The following CNTNAP2 variants were observed in gnomAD, a reference collection of about 807,000 sequenced individuals.
CNTNAP2 encodes the protein contactin-associated protein-like 2.
CNTNAP2 carries 98 observed loss-of-function variants against 155.2 expected under a neutral mutation model. The observed-to-expected ratio is 0.63, with a 90% CI of 0.54 to 0.75. The LOEUF (loss-of-function observed/expected upper bound fraction) is 0.75. Ranked by LOEUF, CNTNAP2 falls within the 30% of genes least tolerant of loss-of-function variation. The pLI is 0.00. For synonymous variants in CNTNAP2, 651 were observed against 631.2 expected, an observed-to-expected ratio of 1.03 and a Z score of -0.47; for missense variants, 1,727 against 1,688.1, an observed-to-expected ratio of 1.02 and a Z score of -0.40.
intron 18 of CNTNAP2, among the ~76,000 whole-genome samples, chr7:148,196,339 T>C (rs898836337): frequency 1.3e-5 from 2 of 152,238 alleles, no homozygotes; most frequent in South Asian, 2.1e-4. Flanking sequence ...ATTAGACTTT[T>C]CTAGTTCCTT....
intron 13 of CNTNAP2, among the ~76,000 whole-genome samples, chr7:147,822,945 A>C (rs1240174458): frequency 6.6e-6 from 1 of 152,180 alleles, no homozygotes; most frequent in African/African-American, 2.4e-5. Context: ...TGGTACAGAA[A>C]ATATCATTTT....
At chr7:147,972,600 G>A (rs2116856741) in intron 14 of CNTNAP2, among the ~76,000 whole-genome samples, 1 of 152,196 alleles carries the variant, frequency 6.6e-6, no homozygotes, top group East Asian at 1.9e-4. Context: ...AAAATCCATA[G>A]AATCAAGCTT....
chr7:146,881,935 CAGTT>C (rs1050412987), intron 3 of CNTNAP2, among the ~76,000 whole-genome samples: 2 of 151,916 alleles, frequency 1.3e-5, no homozygotes, highest in Admixed American at 6.6e-5. Flanking sequence ...TAGTACCCAA[CAGTT>C]AGTTTTTCAA....
intron 13 of CNTNAP2, among the ~76,000 whole-genome samples, chr7:147,674,884 T>C (rs1269869978): frequency 1.3e-5 from 2 of 152,084 alleles, no homozygotes; most frequent in Non-Finnish European, 2.9e-5. Context: ...TCAGCATATC[T>C]TTCTAAAAAT....
At chr7:147,379,852 G>C (rs1004263389) in intron 9 of CNTNAP2, among the ~76,000 whole-genome samples, 4 of 152,002 alleles carry the variant, frequency 2.6e-5, no homozygotes, top group Non-Finnish European at 5.9e-5. Context: ...GCATTGTAAA[G>C]ATTAGTAAAT....
Position 147,811,078 on chromosome 7 carries a change from A to C in CNTNAP2, c.2099-92487A>C, listed in dbSNP as rs560662267. ...TCCAGTTTTCAATAAAATGTGGACT[A>C]TACCTTTGGGGGTTGTGTTCATTTG... is the stretch of plus-strand genomic sequence containing the variant. On this transcript the variant is annotated intron_variant, in intron 13 of 23. Coordinates refer to ENST00000361727, the MANE Select transcript of CNTNAP2 (RefSeq NM_014141.6). Among the ~76,000 whole-genome samples the C allele has an allele frequency of 2.0e-4, 30 of 152,246 alleles. No homozygotes were observed. The East Asian group carries it at 3.7e-3, about 19-fold the overall frequency.
At position 148,018,915 on chromosome 7, in the gene CNTNAP2, C is replaced by G. The variant is rs570765753; in HGVS notation, c.2383+40926C>G. Among the ~76,000 whole-genome samples the G allele has an allele frequency of 5.9e-5, 9 of 152,334 alleles. No homozygotes were observed. The South Asian group carries it at 1.2e-3, about 21-fold the overall frequency. The stretch of plus-strand genomic sequence containing the variant: ...AATATCCATTTCCCTCTAAATTGAT[C>G]CAGAGCTTCCAGAAATCTGAAGACC... On this transcript the variant is annotated intron_variant, in intron 15 of 23. Coordinates refer to ENST00000361727, the MANE Select transcript of CNTNAP2 (RefSeq NM_014141.6).
chr7:146,520,827 G>T (rs1797607621), intron 1 of CNTNAP2, among the ~76,000 whole-genome samples: 1 of 151,892 alleles, frequency 6.6e-6, no homozygotes, highest in Non-Finnish European at 1.5e-5. Flanking sequence ...GAAATGAGTT[G>T]TGTTACTCTA....
chr7:146,442,557 C>G (rs1353644994), intron 1 of CNTNAP2, among the ~76,000 whole-genome samples: 2 of 151,688 alleles, frequency 1.3e-5, no homozygotes, highest in East Asian at 3.9e-4. Context: ...AGGTCAAAAA[C>G]TCTGTGTTGA....
intron 11 of CNTNAP2, among the ~76,000 whole-genome samples, chr7:147,548,087 A>G (rs1357142997): frequency 1.3e-5 from 2 of 152,116 alleles, no homozygotes; most frequent in African/African-American, 4.8e-5. Context: ...TGTCTTTATA[A>G]TAGAATGATT....
At chr7:146,984,259 C>T (rs926803225) in intron 3 of CNTNAP2, among the ~76,000 whole-genome samples, 3 of 149,250 alleles carry the variant, frequency 2.0e-5, no homozygotes, top group Non-Finnish European at 3.0e-5. Context: ...CCCAGCTACT[C>T]GGGAGGCTGA....
intron 1 of CNTNAP2, among the ~76,000 whole-genome samples, chr7:146,436,641 A>G (rs1796247449): frequency 6.6e-6 from 1 of 152,242 alleles, no homozygotes; most frequent in Admixed American, 6.5e-5. Context: ...ACAAAAACAC[A>G]GAGATTATTT....
At chr7:147,544,494 T>A (rs1481496173) in intron 11 of CNTNAP2, among the ~76,000 whole-genome samples, 1 of 152,026 alleles carries the variant, frequency 6.6e-6, no homozygotes, top group Non-Finnish European at 1.5e-5. Flanking sequence ...AAAATGAAAA[T>A]TGTTATAGGC....
At chr7:146,541,622 T>C (rs1229591836) in intron 1 of CNTNAP2, among the ~76,000 whole-genome samples, 1 of 151,930 alleles carries the variant, frequency 6.6e-6, no homozygotes, top group Non-Finnish European at 1.5e-5. Context: ...ACTGCAAATG[T>C]CAGACCTTTA....
chr7:147,650,488 C>T (rs923717002), intron 13 of CNTNAP2, among the ~76,000 whole-genome samples: 6 of 152,272 alleles, frequency 3.9e-5, no homozygotes, highest in Non-Finnish European at 5.9e-5. Context: ...TCAGCCTACT[C>T]AACATGAAGA....
At chr7:146,703,750 C>T (rs183327678) in intron 1 of CNTNAP2, among the ~76,000 whole-genome samples, 1 of 152,204 alleles carries the variant, frequency 6.6e-6, no homozygotes, top group East Asian at 1.9e-4. Flanking sequence ...TTCTCATGAC[C>T]TGATCACCTC....
chr7:148,217,386 C>T lies in CNTNAP2; in HGVS notation c.3109C>T (p.Pro1037Ser), dbSNP rs541853843. Residue 1037 changes from proline (P) to serine (S), a missense_variant, in exon 19 of 24, where the codon CCC becomes TCC. Coordinates refer to ENST00000361727, the MANE Select transcript of CNTNAP2 (RefSeq NM_014141.6). ...RDSSSRVDNA[P>S]DQQNSHPDLA... Reference sequence around the variant, plus strand: ...CTCCAGCAGCAGAGTAGACAACGCTCCCGACCAGCAGAACTCCCACCCGGA... The same window carrying T: ...CTCCAGCAGCAGAGTAGACAACGCTTCCGACCAGCAGAACTCCCACCCGGA... 11 of 1,614,170 alleles carry T rather than the reference C, an allele frequency of 6.8e-6. No individual in the cohort carries two copies. The highest frequency in any genetic ancestry group is 4.0e-5 in the African/African-American group (3 of 75,044).
At chr7:146,983,390 G>C (rs1421671392) in intron 3 of CNTNAP2, among the ~76,000 whole-genome samples, 2 of 151,714 alleles carry the variant, frequency 1.3e-5, no homozygotes, top group Non-Finnish European at 2.9e-5. Context: ...ATTTGTACTT[G>C]AAAAAAGGTA....
chr7:146,330,302 G>A (rs954874629), intron 1 of CNTNAP2, among the ~76,000 whole-genome samples: 5 of 152,078 alleles, frequency 3.3e-5, no homozygotes, highest in South Asian at 2.1e-4. Flanking sequence ...GATTACAGGC[G>A]TGAGCCACTG....
Sources: gnomAD v4.1 joint callset for allele counts (sites outside exome capture counted in the v4.1 genomes callset) on GRCh38, gnomAD v4.1.1 for gene constraint, MANE v1.5 for transcripts, NCBI Gene and HGNC (gene_info 2026-07-23, HGNC 2026-07-21) for gene names.